The following GREB1 variants were observed in gnomAD, a reference collection of about 807,000 sequenced individuals.
GREB1 encodes protein GREB1.
In GREB1, 106 loss-of-function variants were observed where a neutral mutation model predicts 200.7. That is an observed-to-expected ratio of 0.53 (90% CI 0.45 to 0.62). The LOEUF (loss-of-function observed/expected upper bound fraction) is 0.62, where lower values mean the gene tolerates loss of function less well. Ranked by LOEUF, GREB1 falls within the 20% of genes least tolerant of loss-of-function variation. GREB1 has a pLI of 0.00. For missense variants in GREB1, 2,243 were observed against 2,556.8 expected (o/e 0.88, Z 2.65); for synonymous variants, 1,132 against 1,092.4 (o/e 1.04, Z -0.72).
rs113195671 is a variant in GREB1 at position 11,585,829 on chromosome 2, G to C, written c.1083G>C (p.Val361=). The change falls in exon 9 of 33, where the codon GTG becomes GTC. Residue 361 remains valine (V), a synonymous_variant. Transcript: ENST00000381486. ...GACCAGCTTCAGTCACCTTTCCAGT[G>C]GTGGCCTCTGGAGAACCAGTGTCTG... is the stretch of plus-strand genomic sequence containing the variant. ...LVGPASVTFP[V]VASGEPVSVP... The C allele has an allele frequency of 6.2e-7, 1 of 1,613,862 alleles. No homozygotes were observed. The highest frequency in any genetic ancestry group is 1.1e-5 in the South Asian group (1 of 91,062).
intron 4 of GREB1, among the ~76,000 whole-genome samples, chr2:11,574,659 C>T (rs1444643468): frequency 6.6e-6 from 1 of 152,220 alleles, no homozygotes; most frequent in African/African-American, 2.4e-5. Context: ...TTGAATGCCA[C>T]ACTTTCTGTA....
chr2:11,483,442 T>G (rs995411839), intron 1 of GREB1, among the ~76,000 whole-genome samples: 4 of 149,830 alleles, frequency 2.7e-5, no homozygotes, highest in African/African-American at 9.8e-5. Flanking sequence ...ATTGCAAGGG[T>G]GTGTGTGTGT....
chr2:11,609,516 C>T (rs1248992298), intron 17 of GREB1, among the ~76,000 whole-genome samples: 1 of 152,102 alleles, frequency 6.6e-6, no homozygotes, highest in East Asian at 1.9e-4. Context: ...CAATCCGTTT[C>T]CTGGGCATTA....
At chr2:11,494,422 G>T (rs973492649) in intron 1 of GREB1, among the ~76,000 whole-genome samples, 2 of 152,244 alleles carry the variant, frequency 1.3e-5, no homozygotes, top group African/African-American at 4.8e-5. Flanking sequence ...TGATGGGGGT[G>T]CCCAGTGCCA....
rs755629902 is a variant in GREB1, at chr2:11,598,715, A to G, written c.2188A>G (p.Met730Val). ...GGAGCTTGGTCTGAAGAAAGAGCAC[A>G]TGACGAAGCAGAGGGTGGAACAGTA... The part of the protein sequence containing the change: ...LLELGLKKEH[M>V]TKQRVEQYVL... The change falls in exon 15 of 33, where the codon ATG becomes GTG. Residue 730 changes from methionine (M) to valine (V), a missense_variant. Around this residue, in one of 3 missense-constraint regions of GREB1, gnomAD observed 1,178 missense variants for 1,387.4 expected, o/e 0.85. Coordinates refer to ENST00000381486, the MANE Select transcript of GREB1 (RefSeq NM_014668.4). The G allele has an allele frequency of 3.7e-5, 60 of 1,614,106 alleles. No homozygotes were observed. The highest frequency in any genetic ancestry group is 4.8e-5 in the Non-Finnish European group (57 of 1,180,044).
intron 1 of GREB1, among the ~76,000 whole-genome samples, chr2:11,523,849 T>C (rs1673784147): frequency 6.6e-6 from 1 of 152,224 alleles, no homozygotes; most frequent in African/African-American, 2.4e-5. Flanking sequence ...TCTCCATCAG[T>C]TACCATGGTC....
At chr2:11,596,774 AGG>A (rs1262844391) in intron 13 of GREB1, among the ~76,000 whole-genome samples, 1 of 20,910 alleles carries the variant, frequency 4.8e-5, no homozygotes, top group African/African-American at 2.1e-4. Context: ...GTACACAGTG[AGG>A]GGGGTGGGGC....
rs1043797109 is a variant in GREB1 at position 11,598,846 on chromosome 2, C to T, written c.2319C>T (p.His773=). ...TTGTCCTAATCCATGACCATGCGCA[C>T]TGGGATCTTGTGAGGTTAGATTGAC... ...TLFVLIHDHA[H]WDLVSSTVHN... Residue 773 remains histidine, a synonymous_variant, in exon 15 of 33, where the codon CAC becomes CAT. Coordinates refer to ENST00000381486, the MANE Select transcript of GREB1 (RefSeq NM_014668.4). 3 of 1,613,822 alleles carry T rather than the reference C, an allele frequency of 1.9e-6. No homozygotes were observed. The highest frequency in any genetic ancestry group is 1.7e-5 in the Admixed American group (1 of 60,020).
chr2:11,515,796 T>G (rs905456072), intron 1 of GREB1, among the ~76,000 whole-genome samples: 1 of 152,228 alleles, frequency 6.6e-6, no homozygotes, highest in Admixed American at 6.5e-5. Context: ...TCCTCTGGCA[T>G]TCTTCTTAAT....
intron 6 of GREB1, among the ~76,000 whole-genome samples, chr2:11,579,458 T>C (rs1679237115): frequency 6.6e-6 from 1 of 152,238 alleles, no homozygotes; most frequent in African/African-American, 2.4e-5. Flanking sequence ...AAGGCGATAG[T>C]ATGAGCAAGT....
In GREB1 at chr2:11,640,426, T is replaced by C. The variant is rs747448235; in HGVS notation, c.5822T>C (p.Leu1941Pro). The change falls in exon 33 of 33, where the codon CTC (leucine) becomes CCC (proline). Residue 1941 changes from leucine (L) to proline (P), a missense_variant. This residue lies in a region of GREB1 where 478 missense variants were observed against 616.3 expected (regional missense o/e 0.78). Transcript: ENST00000381486. The surrounding 1 kb of genome is among the most constrained non-coding windows in gnomAD (Gnocchi z 4.6). ...GCCAATGCCAGGGAAGACCGGCCGC[T>C]CTTTTTTCTGACGGGACGACACATC... The part of the protein sequence containing the change: ...QTANAREDRP[L>P]FFLTGRHI 6.2e-7 allele frequency: 1 copy of C among 1,614,122 alleles called. No individual in the cohort carries two copies. Among genetic ancestry groups the C allele is most frequent in the Non-Finnish European group, 8.5e-7 (1 of 1,180,006 alleles).
chr2:11,638,853 G>A (rs1176465364), intron 32 of GREB1, 44 bp downstream of exon 32: 33 of 1,599,376 alleles, frequency 2.1e-5, no homozygotes, highest in Non-Finnish European at 2.4e-5. Flanking sequence ...TTCAATGGCT[G>A]TAGTCACCGG....
At chr2:11,490,075 A>G (rs2148403874) in intron 1 of GREB1, among the ~76,000 whole-genome samples, 1 of 151,746 alleles carries the variant, frequency 6.6e-6, no homozygotes, top group African/African-American at 2.4e-5. Context: ...TATGTGCTAC[A>G]AAAGTTACCT....
chr2:11,562,342 G>A, intron 2 of GREB1, 121 bp from the exon 3 acceptor site: 3 of 1,315,280 alleles, frequency 2.3e-6, no homozygotes, highest in African/African-American at 1.5e-5. Context: ...ACCCATTCTG[G>A]ATTAGTCCCA....
chr2:11,507,852 C>T (rs940591545), intron 1 of GREB1, among the ~76,000 whole-genome samples: 3 of 152,178 alleles, frequency 2.0e-5, no homozygotes, highest in African/African-American at 7.2e-5. Flanking sequence ...CCACATAGGC[C>T]TTGGAGTGGG....
chr2:11,581,160 A>G (rs1450658869), intron 7 of GREB1: 2 of 580,728 alleles, frequency 3.4e-6, no homozygotes, highest in African/African-American at 3.7e-5. Flanking sequence ...TTGTTGGGGA[A>G]GAACATGGGC....
chr2:11,488,276 A>G, intron 1 of GREB1, among the ~76,000 whole-genome samples: 1 of 152,122 alleles, frequency 6.6e-6, no homozygotes, highest in East Asian at 1.9e-4. Flanking sequence ...AACCTTGAGA[A>G]CCATGAATCC....
chr2:11,590,295 A>AAGT (rs1680599147), intron 10 of GREB1, among the ~76,000 whole-genome samples: 1 of 151,924 alleles, frequency 6.6e-6, no homozygotes, highest in Non-Finnish European at 1.5e-5. Flanking sequence ...CCTGTTCCCC[A>AAGT]CATCCCTGAG....
At chr2:11,596,034 T>C (rs907030708) in intron 12 of GREB1, 77 bp from the exon 13 acceptor site, 62 of 1,429,310 alleles carry the variant, frequency 4.3e-5, no homozygotes, top group Non-Finnish European at 5.6e-5. Flanking sequence ...GGACAGTACC[T>C]GACACTAACT....
Sources: gnomAD v4.1 joint callset for allele counts (sites outside exome capture counted in the v4.1 genomes callset) on GRCh38, gnomAD v4.1.1 for gene constraint, gnomAD v4.1.1 regional missense constraint, Gnocchi (gnomAD v3.1) non-coding constraint, MANE v1.5 for transcripts, NCBI Gene and HGNC (gene_info 2026-07-23, HGNC 2026-07-21) for gene names.